The following BICRAL variants were observed in gnomAD, a reference collection of about 807,000 sequenced individuals.
BICRAL encodes BRD4-interacting chromatin-remodeling complex-associated protein-like.
Under a neutral mutation model 91.8 loss-of-function variants are expected in BICRAL, and 8 were observed. The observed-to-expected ratio is 0.09, with a 90% CI of 0.05 to 0.16. The LOEUF (loss-of-function observed/expected upper bound fraction) is 0.16, where lower values mean the gene tolerates loss of function less well. BICRAL is among the 10% of genes least tolerant of loss of function. BICRAL has a pLI of 1.00. For missense variants in BICRAL, 1,038 were observed against 1,310.9 expected, an observed-to-expected ratio of 0.79 and a Z score of 3.21; for synonymous variants, 445 against 491.1, an observed-to-expected ratio of 0.91 and a Z score of 1.24.
chr6:42,817,451 T>C (rs1764025100), intron 2 of BICRAL, among the ~76,000 whole-genome samples: 1 of 151,810 alleles, frequency 6.6e-6, no homozygotes. Flanking sequence ...TTAAAGTATA[T>C]AATTCAGTAG....
intron 1 of BICRAL, among the ~76,000 whole-genome samples, chr6:42,762,838 G>A (rs1762573044): frequency 6.6e-6 from 1 of 151,842 alleles, no homozygotes; most frequent in Non-Finnish European, 1.5e-5. Context: ...TGAGGCAGAG[G>A]ATTGCTTGAG....
chr6:42,844,409 T>A (rs1419902035), intron 6 of BICRAL, among the ~76,000 whole-genome samples: 1 of 144,890 alleles, frequency 6.9e-6, no homozygotes, highest in Admixed American at 7.3e-5. Flanking sequence ...CTCGGGAGGC[T>A]GAGGCAGGAG....
chr6:42,747,813 T>TG (rs1181163643), intron 1 of BICRAL, among the ~76,000 whole-genome samples: 19 of 142,878 alleles, frequency 1.3e-4, no homozygotes, highest in African/African-American at 5.5e-4. Flanking sequence ...TTGTTTTTTT[T>TG]TTTTTTTTTT....
chr6:42,775,069 A>G (rs1380395467), intron 1 of BICRAL, among the ~76,000 whole-genome samples: 1 of 151,938 alleles, frequency 6.6e-6, no homozygotes, highest in Non-Finnish European at 1.5e-5. Context: ...AGTAGTTGGG[A>G]TTACAGGTGC....
At chr6:42,818,594 G>A (rs940810593) in intron 2 of BICRAL, among the ~76,000 whole-genome samples, 9 of 151,738 alleles carry the variant, frequency 5.9e-5, no homozygotes, top group African/African-American at 2.2e-4. Flanking sequence ...GACTTTGTCA[G>A]TCTTTTATGA....
chr6:42,800,557 C>CTT lies in BICRAL; in HGVS notation c.-101-9740_-101-9739dup, dbSNP rs11427598. Among the ~76,000 whole-genome samples the CTT allele has an allele frequency of 3.6e-4, 53 of 147,568 alleles. 1 individual carries two copies. In the South Asian group the frequency reaches 6.0e-3, roughly 17 times the overall value. ...CACATTTTTTTTTCTTTTTTCTTTT[C>CTT]TTTTTTTTTTGAGACAGGGTCCCGC... On this transcript the variant is annotated intron_variant, in intron 1 of 12. Transcript: ENST00000314073.
At chr6:42,777,531 T>C (rs1762823481), upstream of BICRAL, among the ~76,000 whole-genome samples, 2 of 152,216 alleles carry the variant, frequency 1.3e-5, no homozygotes, top group African/African-American at 4.8e-5. Context: ...ACAAACACTC[T>C]ATAGAACACT....
rs1562453233 is a variant in BICRAL, at chr6:42,770,713, G to GCCC, written c.-260-11126_-260-11125insCCC. The stretch of plus-strand genomic sequence containing the variant: ...TTACAGGCATGAGCCACCCCACCCG[G>GCCC]TCAGTGTTTTTGTTTTTTTCGGTCT... On this transcript the variant is annotated intron_variant, in intron 1 of 14. Coordinates refer to the BICRAL transcript ENST00000614467. Among the ~76,000 whole-genome samples the GCCC allele has an allele frequency of 6.6e-5, 10 of 151,328 alleles. 1 individual carries two copies. The highest frequency in any genetic ancestry group is 9.7e-5 in the African/African-American group (4 of 41,106).
intron 2 of BICRAL, among the ~76,000 whole-genome samples, chr6:42,816,110 G>T (rs892219467): frequency 6.6e-6 from 1 of 151,118 alleles, no homozygotes; most frequent in Non-Finnish European, 1.5e-5. Flanking sequence ...TGTAATCCCA[G>T]CACTTTAGGA....
chr6:42,862,956 A>G (rs1765599019), intron 12 of BICRAL, among the ~76,000 whole-genome samples: 1 of 151,346 alleles, frequency 6.6e-6, no homozygotes, highest in African/African-American at 2.4e-5. Context: ...CACTTCGATT[A>G]TTTCCAGCAT....
At chr6:42,853,866 A>G in intron 8 of BICRAL, 128 bp downstream of exon 8, 1 of 671,866 alleles carries the variant, frequency 1.5e-6, no homozygotes, top group Non-Finnish European at 2.6e-6. Flanking sequence ...TGTGCCCACA[A>G]CAGGGTGGTC....
At chr6:42,841,339 C>T (rs984276774) in intron 6 of BICRAL, among the ~76,000 whole-genome samples, 1 of 151,770 alleles carries the variant, frequency 6.6e-6, no homozygotes, top group Non-Finnish European at 1.5e-5. Flanking sequence ...CAGGCGTGCA[C>T]CACCACACCT....
At chr6:42,824,848 C>T (rs994493742) in intron 5 of BICRAL, among the ~76,000 whole-genome samples, 5 of 152,206 alleles carry the variant, frequency 3.3e-5, no homozygotes, top group African/African-American at 1.2e-4. Context: ...CTCAGCCAGA[C>T]ATGGTGGCCC....
At position 42,850,446 on chromosome 6, in the gene BICRAL, G is replaced by A. The variant is rs374041890; in HGVS notation, c.1840-1646G>A. Among the ~76,000 whole-genome samples, 117 of 152,082 alleles carry A rather than the reference G, an allele frequency of 7.7e-4. 2 individuals are homozygous for A. In the East Asian group the frequency reaches 0.021, roughly 28 times the overall value. On this transcript the variant is annotated intron_variant, in intron 6 of 12. Transcript: ENST00000314073. Reference sequence around the variant, plus strand: ...GAGGCAGGAGAATCACTTGAACCTGGGTGGTGGAGGTTGCAGTGAGCTAAG... The same window carrying A: ...GAGGCAGGAGAATCACTTGAACCTGAGTGGTGGAGGTTGCAGTGAGCTAAG...
At chr6:42,782,217 G>A (rs967142667) in intron 1 of BICRAL, 116 bp downstream of exon 1, 3 of 150,554 alleles carry the variant, frequency 2.0e-5, no homozygotes, top group South Asian at 2.1e-4. Flanking sequence ...AGCGAGGGAG[G>A]GGGGGCTGGA....
chr6:42,828,993 T>C lies in BICRAL; in HGVS notation c.660T>C (p.Gly220=). 1.9e-6 allele frequency: 3 copies of C among 1,614,086 alleles called. No homozygotes were observed. The highest frequency in any genetic ancestry group is 2.5e-6 in the Non-Finnish European group (3 of 1,179,942). The change falls in exon 6 of 13, where the codon GGT becomes GGC. Residue 220 remains glycine (G), a synonymous_variant. Coordinates refer to ENST00000314073, the MANE Select transcript of BICRAL (RefSeq NM_001393499.1). The part of the protein sequence containing the change: ...SGQIQLIGSF[G]NHPSMMTINN... Reference sequence around the variant, plus strand: ...AAATACAGTTAATTGGGTCATTTGGTAATCATCCTTCCATGATGACTATTA... The same window carrying C: ...AAATACAGTTAATTGGGTCATTTGGCAATCATCCTTCCATGATGACTATTA...
chr6:42,856,902 G>T (rs1581636652), intron 9 of BICRAL, among the ~76,000 whole-genome samples, 189 bp from the exon 10 acceptor site: 1 of 152,028 alleles, frequency 6.6e-6, no homozygotes, highest in Non-Finnish European at 1.5e-5. Context: ...TGAGGTCAGG[G>T]TCATAGTTTG....
At chr6:42,767,090 T>G (rs565946714) in intron 1 of BICRAL, among the ~76,000 whole-genome samples, 1 of 150,814 alleles carries the variant, frequency 6.6e-6, no homozygotes, top group African/African-American at 2.4e-5. Flanking sequence ...AGGCAGAGGT[T>G]GTAGTGAGCC....
intron 6 of BICRAL, among the ~76,000 whole-genome samples, chr6:42,851,085 T>C (rs1157967488): frequency 1.3e-5 from 2 of 151,988 alleles, no homozygotes; most frequent in Non-Finnish European, 2.9e-5. Flanking sequence ...CTCAGGAGGC[T>C]GAGGCAGGAG....
Sources: gnomAD v4.1 joint callset for allele counts (sites outside exome capture counted in the v4.1 genomes callset) on GRCh38, gnomAD v4.1.1 for gene constraint, MANE v1.5 for transcripts, NCBI Gene and HGNC (gene_info 2026-07-23, HGNC 2026-07-21) for gene names.